Variants in ZNF592 observed in about 807,000 individuals in gnomAD.
The protein encoded by ZNF592 is zinc finger protein 592.
A neutral mutation model predicts 80.3 loss-of-function variants in ZNF592; 11 were observed. The ratio of observed to expected loss-of-function variants is 0.14; its 90% confidence interval spans 0.09 to 0.23. The LOEUF is 0.23. Among genes scored for constraint, ZNF592 ranks in the 10% least tolerant of loss-of-function variants. The probability of loss-of-function intolerance (pLI) is 1.00; values close to 1 mark genes in which losing one functional copy is unlikely to be tolerated. For synonymous variants in ZNF592, 646 were observed against 640.3 expected (o/e 1.01, Z -0.13); for missense variants, 1,420 against 1,633.9 (o/e 0.87, Z 2.26).
At chr15:84,800,366 A>C (rs1363220450) in intron 10 of ZNF592, among the ~76,000 whole-genome samples, 3 of 151,882 alleles carry the variant, frequency 2.0e-5, no homozygotes, top group Non-Finnish European at 4.4e-5. Context: ...TCACCCCCCA[A>C]CCTTCTCACT....
intron 2 of ZNF592, among the ~76,000 whole-genome samples, chr15:84,777,680 C>T (rs138232864): frequency 6.2e-4 from 90 of 144,798 alleles, no homozygotes; most frequent in African/African-American, 2.1e-3. Flanking sequence ...AAAATAATTT[C>T]GTCTGTTGAG....
At chr15:84,762,634 C>T (rs1337391399) in intron 1 of ZNF592, among the ~76,000 whole-genome samples, 1 of 152,130 alleles carries the variant, frequency 6.6e-6, no homozygotes, top group Non-Finnish European at 1.5e-5. Flanking sequence ...TTAAATAAGC[C>T]TTATCCCCTG....
At chr15:84,753,819 A>G (rs1345565436) in intron 1 of ZNF592, among the ~76,000 whole-genome samples, 1 of 152,210 alleles carries the variant, frequency 6.6e-6, no homozygotes, top group Non-Finnish European at 1.5e-5. Flanking sequence ...TTCTTAAAAA[A>G]TAGGAACATC....
rs1257928173 is a variant in ZNF592 at position 84,784,749 on chromosome 15, C to T, written c.2074C>T (p.Pro692Ser). The change falls in exon 4 of 11, where the codon CCC becomes TCC. Residue 692 changes from proline (P) to serine (S), a missense_variant. Transcript: ENST00000560079. The surrounding 1 kb of genome is among the most constrained non-coding windows in gnomAD (Gnocchi z 5.8). ...KHGLTSGSAS[P>S]PPPALPLYPD... The stretch of plus-strand genomic sequence containing the variant: ...TGGCCTCACTTCGGGCAGTGCCAGT[C>T]CCCCTCCTCCAGCCTTGCCACTCTA... 2 of 1,614,002 alleles carry T rather than the reference C, an allele frequency of 1.2e-6. No homozygotes were observed. Among genetic ancestry groups the T allele is most frequent in the African/African-American group, 1.3e-5 (1 of 74,922 alleles).
rs1314081619 is a variant in ZNF592 at position 84,798,695 on chromosome 15, C to A, written c.2844C>A (p.Ala948=). 1 of 1,613,750 alleles carries A rather than the reference C, an allele frequency of 6.2e-7. No homozygotes were observed. Among genetic ancestry groups the A allele is most frequent in the South Asian group, 1.1e-5 (1 of 91,082 alleles). Residue 948 remains alanine (A), a synonymous_variant, in exon 8 of 11, where the codon GCC becomes GCA. Coordinates refer to ENST00000560079, the MANE Select transcript of ZNF592 (RefSeq NM_014630.3). The surrounding 1 kb of genome is among the most constrained non-coding windows in gnomAD (Gnocchi z 4.5). ...CTCGAGTTCCCACTGAGCCACCAGCCACTAGTGTGGCTGCTCGGAGCAGCT... is the reference window on the plus strand; with the variant it reads ...CTCGAGTTCCCACTGAGCCACCAGCAACTAGTGTGGCTGCTCGGAGCAGCT... ...PGSRVPTEPP[A]TSVAARSSSL... is the part of the protein sequence containing the mutation.
At chr15:84,793,263 G>C (rs1962802555) in intron 5 of ZNF592, among the ~76,000 whole-genome samples, 1 of 152,046 alleles carries the variant, frequency 6.6e-6, no homozygotes, top group African/African-American at 2.4e-5. Context: ...TTTTAGTAGA[G>C]ATGGGGTTTC....
At position 84,802,844 on chromosome 15, in the gene ZNF592, G is replaced by A. The variant is rs979479246; in HGVS notation, c.*451G>A. On this transcript the variant is annotated 3_prime_UTR_variant, in exon 11 of 11. Transcript: ENST00000560079. ...TTTAGATCCTGAGAAGGAGGGAAAT[G>A]AGGGGTGCTGACACAGTCCCTCTGG... The A allele has an allele frequency of 1.1e-4, 23 of 205,320 alleles. No individual in the cohort carries two copies. The highest frequency in any genetic ancestry group is 5.1e-4 in the African/African-American group (22 of 43,402). 12.7% of individuals were successfully genotyped at this position (205,320 alleles called of 1,614,324 possible).
chr15:84,784,481 G>A lies in ZNF592; in HGVS notation c.1806G>A (p.Leu602=), dbSNP rs373598890. The change falls in exon 4 of 11, where the codon CTG becomes CTA. Residue 602 remains leucine (L), a synonymous_variant. Transcript: ENST00000560079. This position sits in a 1 kb window ranked among gnomAD's most constrained non-coding sequence, Gnocchi z 5.8. ...ACGCATTTGCCTTAGAGAAGAGCCT[G>A]AGCCAGCACTATGGCCGGCGGAGCG... ...CGDAFALEKS[L]SQHYGRRSVH... 3.3e-5 allele frequency: 54 copies of A among 1,614,088 alleles called. No individual in the cohort carries two copies. Among genetic ancestry groups the A allele is most frequent in the Non-Finnish European group, 4.4e-5 (52 of 1,180,054 alleles).
intron 2 of ZNF592, among the ~76,000 whole-genome samples, chr15:84,771,472 C>T (rs1053478612): frequency 2.0e-5 from 3 of 152,074 alleles, no homozygotes; most frequent in East Asian, 1.9e-4. Flanking sequence ...AGAACCACCA[C>T]TGGGGTCAGA....
At chr15:84,795,333 A>G (rs1241154099) in intron 5 of ZNF592, among the ~76,000 whole-genome samples, 1 of 152,236 alleles carries the variant, frequency 6.6e-6, no homozygotes, top group Admixed American at 6.5e-5. Context: ...CTCGTCTTAA[A>G]AAACTGTGGT....
At chr15:84,791,705 G>A (rs190211403) in intron 5 of ZNF592, among the ~76,000 whole-genome samples, 1 of 152,190 alleles carries the variant, frequency 6.6e-6, no homozygotes, top group South Asian at 2.1e-4. Context: ...ATAACCCAGA[G>A]TGCTAAGTCC....
Position 84,783,966 on chromosome 15 carries a change from C to T in ZNF592, c.1291C>T (p.His431Tyr). 1 of 1,613,278 alleles carries T rather than the reference C, an allele frequency of 6.2e-7. No homozygotes were observed. The highest frequency in any genetic ancestry group is 8.5e-7 in the Non-Finnish European group (1 of 1,179,272). Residue 431 changes from histidine (H) to tyrosine (Y), a missense_variant, in exon 4 of 11, where the codon CAC becomes TAC. Coordinates refer to ENST00000560079, the MANE Select transcript of ZNF592 (RefSeq NM_014630.3). This position sits in a 1 kb window ranked among gnomAD's most constrained non-coding sequence, Gnocchi z 5.0. ...MPGDEVPVEE[H>Y]FPEAGTNSGS... ...AGGGGATGAGGTGCCTGTGGAAGAG[C>T]ACTTTCCTGAGGCAGGCACAAATTC...
At chr15:84,775,825 G>A (rs1231817111) in intron 2 of ZNF592, among the ~76,000 whole-genome samples, 1 of 152,216 alleles carries the variant, frequency 6.6e-6, no homozygotes, top group Non-Finnish European at 1.5e-5. Flanking sequence ...CCCACATCTA[G>A]TTGATATGTT....
rs1163664931 is a variant in ZNF592, at chr15:84,804,980, T to C, written c.*2587T>C. On this transcript the variant is annotated 3_prime_UTR_variant, in exon 11 of 11. Transcript: ENST00000560079. ...TGTAGTGATGGTGCTGAGTCAAGCC[T>C]GTCAACCACTGTGCTCGTTAGTGAC... 2 of 152,190 alleles carry C rather than the reference T, an allele frequency of 1.3e-5. No homozygotes were observed. The highest frequency in any genetic ancestry group is 4.8e-5 in the African/African-American group (2 of 41,432). 9.4% of individuals were successfully genotyped at this position (152,190 alleles called of 1,614,324 possible).
intron 1 of ZNF592, among the ~76,000 whole-genome samples, chr15:84,750,686 A>C (rs1898988495): frequency 6.6e-6 from 1 of 152,174 alleles, no homozygotes; most frequent in Non-Finnish European, 1.5e-5. Context: ...TAAGAGACCG[A>C]TTTGAGTTGG....
At chr15:84,794,153 A>G (rs926538309) in intron 5 of ZNF592, among the ~76,000 whole-genome samples, 1 of 152,154 alleles carries the variant, frequency 6.6e-6, no homozygotes, top group Non-Finnish European at 1.5e-5. Flanking sequence ...AGACGGGTTG[A>G]TGGGTGCAGC....
intron 1 of ZNF592, among the ~76,000 whole-genome samples, chr15:84,763,329 A>G (rs1024916410): frequency 1.6e-4 from 24 of 152,252 alleles, no homozygotes; most frequent in African/African-American, 5.5e-4. Context: ...TTTGTTAGCC[A>G]TTCTGCATCC....
rs2141993057 is a variant in ZNF592 at position 84,790,145 on chromosome 15, G to A, written c.2221-560G>A. 2.0e-5 allele frequency among the ~76,000 whole-genome samples: 3 copies of A among 147,926 alleles called. 1 individual carries two copies. The South Asian group carries it at 6.6e-4, about 32-fold the overall frequency. ...CTAACCTGCAGAGTGGGCAAACAGGGCTAGAGCAATGGAAACTGACAAGAC... is the reference window on the plus strand; with the variant it reads ...CTAACCTGCAGAGTGGGCAAACAGGACTAGAGCAATGGAAACTGACAAGAC... On this transcript the variant is annotated intron_variant, in intron 4 of 10. Coordinates refer to ENST00000560079, the MANE Select transcript of ZNF592 (RefSeq NM_014630.3).
chr15:84,753,358 G>A (rs947959859), intron 1 of ZNF592: 1 of 152,156 alleles, frequency 6.6e-6, no homozygotes, highest in African/African-American at 2.4e-5. Context: ...GGCTGCATGT[G>A]AAGGAAACAC....
Sources: allele counts gnomAD v4.1 joint callset (sites outside exome capture counted in the v4.1 genomes callset), GRCh38; gene constraint gnomAD v4.1.1; non-coding constraint Gnocchi (gnomAD v3.1); transcripts MANE v1.5; gene names NCBI Gene and HGNC (gene_info 2026-07-23, HGNC 2026-07-21).